ANO3: variants seen among roughly 807,000 people sequenced by gnomAD.
ANO3 encodes anoctamin 3, also known as anoctamin-3.
Under a neutral mutation model 144.8 loss-of-function variants are expected in ANO3, and 99 were observed. The ratio of observed to expected loss-of-function variants is 0.68; its 90% CI spans 0.58 to 0.81. The LOEUF (loss-of-function observed/expected upper bound fraction) is 0.81. ANO3 is among the 30% of genes least tolerant of loss of function. The pLI, the probability that ANO3 is intolerant of heterozygous loss-of-function variation, is 0.00. For synonymous variants in ANO3, 414 were observed against 392.6 expected (o/e 1.05, Z -0.64); for missense variants, 905 against 1,202.2 (o/e 0.75, Z 3.66).
chr11:26,649,917 G>A (rs986202240), intron 24 of ANO3, among the ~76,000 whole-genome samples: 1 of 152,078 alleles, frequency 6.6e-6, no homozygotes, highest in Non-Finnish European at 1.5e-5. Context: ...AAATATACAG[G>A]CTTGTTAGGG....
chr11:26,369,201 A>G (rs913722621), intron 1 of ANO3, among the ~76,000 whole-genome samples: 1 of 152,138 alleles, frequency 6.6e-6, no homozygotes, highest in Non-Finnish European at 1.5e-5. Flanking sequence ...GAGTAGTGAG[A>G]CTAAAAGTGG....
intron 1 of ANO3, among the ~76,000 whole-genome samples, chr11:26,270,969 G>A (rs575823731): frequency 9.8e-5 from 15 of 152,286 alleles, no homozygotes; most frequent in African/African-American, 3.4e-4. Context: ...CAACACAGCT[G>A]GAGTATGTAC....
intron 1 of ANO3, among the ~76,000 whole-genome samples, chr11:26,347,118 G>A (rs753235252): frequency 3.9e-5 from 6 of 152,094 alleles, no homozygotes; most frequent in South Asian, 2.1e-4. Context: ...TCAAATTCTC[G>A]CTCCATCACT....
intron 6 of ANO3, among the ~76,000 whole-genome samples, chr11:26,521,904 G>A (rs2134161148): frequency 6.6e-6 from 1 of 152,306 alleles, no homozygotes; most frequent in African/African-American, 2.4e-5. Context: ...ATTAAGAGCG[G>A]CCGGGCGCGG....
rs1852451019 is a variant in ANO3, at chr11:26,622,580, TG to T, written c.1837-1879del. ...GTGATCATGCCATTGCACTCCAGCC[TG>T]GGTGTTAGAGTGAGACTTTGTCTCG... On this transcript the variant is annotated intron_variant, in intron 17 of 26. Coordinates refer to ENST00000256737, the MANE Select transcript of ANO3 (RefSeq NM_031418.4). 5.3e-5 allele frequency among the ~76,000 whole-genome samples: 8 copies of T among 152,262 alleles called. No homozygotes were observed. The South Asian group carries it at 1.7e-3, about 32-fold the overall frequency.
intron 14 of ANO3, chr11:26,572,272 AC>A: frequency 1.0e-6 from 1 of 982,190 alleles, no homozygotes. Context: ...TTAAGATATC[AC>A]CTCATTCAGG....
At chr11:26,622,380 G>A (rs571796717) in intron 17 of ANO3, among the ~76,000 whole-genome samples, 10 of 150,560 alleles carry the variant, frequency 6.6e-5, no homozygotes, top group South Asian at 2.1e-4. Context: ...AGGCTGGGGC[G>A]GATGAGGAAT....
At chr11:26,455,988 T>TA (rs1311211283) in intron 3 of ANO3, among the ~76,000 whole-genome samples, 1 of 151,508 alleles carries the variant, frequency 6.6e-6, no homozygotes, top group Non-Finnish European at 1.5e-5. Context: ...ATTCCCTATT[T>TA]AATAAATGGT....
chr11:26,244,390 C>T (rs1341105028), intron 1 of ANO3, among the ~76,000 whole-genome samples: 2 of 152,130 alleles, frequency 1.3e-5, no homozygotes, highest in Non-Finnish European at 2.9e-5. Flanking sequence ...TTTCTGTTTA[C>T]TAGTTTCCTA....
chr11:26,585,763 C>G (rs1399698875), intron 14 of ANO3, among the ~76,000 whole-genome samples: 1 of 152,182 alleles, frequency 6.6e-6, no homozygotes, highest in African/African-American at 2.4e-5. Flanking sequence ...CATGTGACTT[C>G]AGCAAGTCAC....
chr11:26,299,070 G>A (rs1331410106), intron 1 of ANO3, among the ~76,000 whole-genome samples: 1 of 152,204 alleles, frequency 6.6e-6, no homozygotes. Context: ...ATAAAACCAT[G>A]AGACAGGATG....
At chr11:26,413,994 T>G (rs1482122929) in intron 1 of ANO3, among the ~76,000 whole-genome samples, 2 of 152,074 alleles carry the variant, frequency 1.3e-5, no homozygotes, top group African/African-American at 4.8e-5. Flanking sequence ...CTGAAAACTA[T>G]AAAATATTAC....
chr11:26,273,232 T>G (rs957514830), intron 1 of ANO3, among the ~76,000 whole-genome samples: 2 of 146,238 alleles, frequency 1.4e-5, no homozygotes, highest in Non-Finnish European at 1.5e-5. Flanking sequence ...TAAAGTTTTT[T>G]TTTTTTTTTT....
intron 1 of ANO3, among the ~76,000 whole-genome samples, chr11:26,335,791 A>G (rs556201083): frequency 6.6e-5 from 10 of 152,286 alleles, no homozygotes; most frequent in African/African-American, 2.4e-4. Flanking sequence ...GAGATTTGCT[A>G]AACACCTTTA....
intron 1 of ANO3, among the ~76,000 whole-genome samples, chr11:26,274,022 C>T (rs933308864): frequency 1.3e-5 from 2 of 151,328 alleles, no homozygotes; most frequent in Non-Finnish European, 2.9e-5. Flanking sequence ...GGACAGAAAC[C>T]ATCCGGGACA....
intron 7 of ANO3, 40 bp downstream of exon 7, chr11:26,525,719 C>G (rs994578579): frequency 6.5e-6 from 10 of 1,528,608 alleles, no homozygotes; most frequent in Non-Finnish European, 8.0e-6. Context: ...ACAAATTTGT[C>G]GTTTTGAAAA....
At chr11:26,274,393 T>A (rs1853513778) in intron 1 of ANO3, among the ~76,000 whole-genome samples, 1 of 152,172 alleles carries the variant, frequency 6.6e-6, no homozygotes, top group African/African-American at 2.4e-5. Flanking sequence ...TATGTGTGTA[T>A]GTTTATGTTG....
At chr11:26,234,355 T>A (rs1852468576) in intron 1 of ANO3, among the ~76,000 whole-genome samples, 1 of 152,206 alleles carries the variant, frequency 6.6e-6, no homozygotes, top group African/African-American at 2.4e-5. Flanking sequence ...ATATGCCATA[T>A]ATTTTATTTT....
At chr11:26,656,521 G>C (rs1281660343) in intron 26 of ANO3, 40 bp downstream of exon 26, 1 of 1,283,986 alleles carries the variant, frequency 7.8e-7, no homozygotes, top group Non-Finnish European at 1.1e-6. Context: ...ATAGATAAAT[G>C]CTTTTCTAAA....
Sources: gnomAD v4.1 joint callset for allele counts (sites outside exome capture counted in the v4.1 genomes callset) on GRCh38, gnomAD v4.1.1 for gene constraint, MANE v1.5 for transcripts, NCBI Gene and HGNC (gene_info 2026-07-23, HGNC 2026-07-21) for gene names.